ASCC3: variants seen among roughly 807,000 people sequenced by gnomAD.
ASCC3 encodes ASC-1 complex subunit P200.
Under a neutral mutation model 256.3 loss-of-function variants are expected in ASCC3, and 158 were observed. The ratio of observed to expected loss-of-function variants is 0.62; its 90% CI spans 0.54 to 0.70. The LOEUF (loss-of-function observed/expected upper bound fraction) is 0.70. Ranked by LOEUF, ASCC3 falls within the 30% of genes least tolerant of loss-of-function variation. The probability of loss-of-function intolerance (pLI) is 0.00; values close to 1 mark genes in which losing one functional copy is unlikely to be tolerated. For synonymous variants in ASCC3, 948 were observed against 883.4 expected, an observed-to-expected ratio of 1.07 and a Z score of -1.30; for missense variants, 2,259 against 2,626.0, an observed-to-expected ratio of 0.86 and a Z score of 3.05.
chr6:100,635,091 A>G lies in ASCC3; in HGVS notation c.4122+3510T>C, dbSNP rs78388768. ...AATGAGATCAGTATCTTAAAGAGATATCTGCACTCCCATGTTCATTGCAGC... is the reference window on the plus strand; with the variant it reads ...AATGAGATCAGTATCTTAAAGAGATGTCTGCACTCCCATGTTCATTGCAGC... On this transcript the variant is annotated intron_variant, in intron 25 of 41. Coordinates refer to ENST00000369162, the MANE Select transcript of ASCC3 (RefSeq NM_006828.4). Among the ~76,000 whole-genome samples the G allele has an allele frequency of 0.012, 1,848 of 152,190 alleles. 84 individuals are homozygous for G. The East Asian group carries it at 0.15, about 12-fold the overall frequency.
intron 36 of ASCC3, among the ~76,000 whole-genome samples, chr6:100,582,970 G>C: frequency 6.6e-6 from 1 of 152,144 alleles, no homozygotes; most frequent in East Asian, 1.9e-4. Flanking sequence ...TTTTTGATGT[G>C]CTGCTGGATT....
At chr6:100,585,386 T>G (rs1348530961) in intron 36 of ASCC3, among the ~76,000 whole-genome samples, 1 of 152,202 alleles carries the variant, frequency 6.6e-6, no homozygotes, top group Non-Finnish European at 1.5e-5. Flanking sequence ...TCCTGAGGCT[T>G]CTGCATTCTT....
At chr6:100,777,237 G>T (rs941285870) in intron 8 of ASCC3, among the ~76,000 whole-genome samples, 4 of 152,064 alleles carry the variant, frequency 2.6e-5, no homozygotes, top group Admixed American at 6.6e-5. Context: ...ACATGTGTGT[G>T]TATGTGTGAG....
At chr6:100,648,359 C>T (rs1775494129) in intron 20 of ASCC3, among the ~76,000 whole-genome samples, 1 of 151,978 alleles carries the variant, frequency 6.6e-6, no homozygotes, top group South Asian at 2.1e-4. Flanking sequence ...AATCCAGTAA[C>T]ATCTGTATTT....
chr6:100,777,484 AT>A (rs1361289566), intron 8 of ASCC3, among the ~76,000 whole-genome samples: 4 of 152,166 alleles, frequency 2.6e-5, no homozygotes, highest in African/African-American at 4.8e-5. Context: ...ACAAAAAAAA[AT>A]CAACATGTTT....
At chr6:100,583,314 G>C (rs1562138125) in intron 36 of ASCC3, among the ~76,000 whole-genome samples, 1 of 152,110 alleles carries the variant, frequency 6.6e-6, no homozygotes, top group African/African-American at 2.4e-5. Context: ...TTTAGTCTTG[G>C]GAGGGTGTAT....
Position 100,800,333 on chromosome 6 carries a change from A to G in ASCC3, c.1094T>C (p.Met365Thr), listed in dbSNP as rs369697404. Reference sequence around the variant, plus strand: ...CCGCAATTCCTTAGGATCAAAGCACATAAGTCCTTCTGAAACTTCTAAATC... The same window carrying G: ...CCGCAATTCCTTAGGATCAAAGCACGTAAGTCCTTCTGAAACTTCTAAATC... Reference protein sequence around the residue: ...GEDLEVSEGLMCFDPKELRIQ... With the variant: ...GEDLEVSEGLTCFDPKELRIQ... Residue 365 changes from methionine (M) to threonine (T), a missense_variant, in exon 6 of 42, where the codon ATG (methionine) becomes ACG (threonine). Met to Thr is a moderately conservative substitution (Grantham distance 81). This residue lies in a region of ASCC3 where 420 missense variants were observed against 419.3 expected (regional missense o/e 1.00). Coordinates refer to ENST00000369162, the MANE Select transcript of ASCC3 (RefSeq NM_006828.4). 98 of 1,613,000 alleles carry G rather than the reference A, an allele frequency of 6.1e-5. 1 individual carries two copies. The South Asian group carries it at 8.5e-4, about 14-fold the overall frequency.
chr6:100,837,186 C>A (rs1771919435), intron 4 of ASCC3, among the ~76,000 whole-genome samples: 1 of 151,946 alleles, frequency 6.6e-6, no homozygotes, highest in Admixed American at 6.6e-5. Flanking sequence ...CCATTTCACT[C>A]CAATTAGAAT....
intron 30 of ASCC3, among the ~76,000 whole-genome samples, chr6:100,615,919 A>G (rs1359963780): frequency 6.6e-6 from 1 of 152,204 alleles, no homozygotes; most frequent in African/African-American, 2.4e-5. Context: ...GGCTTGATAA[A>G]ACAGAAAGCA....
At chr6:100,715,574 T>C in intron 12 of ASCC3, 41 bp from the exon 13 acceptor site, 1 of 1,544,976 alleles carries the variant, frequency 6.5e-7, no homozygotes, top group Non-Finnish European at 8.9e-7. Context: ...TGTGAAACAA[T>C]TATAAACTTT....
At chr6:100,607,941 C>G (rs1315597311) in intron 30 of ASCC3, among the ~76,000 whole-genome samples, 1 of 144,536 alleles carries the variant, frequency 6.9e-6, no homozygotes, top group African/African-American at 2.5e-5. Flanking sequence ...ATGTGATAGC[C>G]TTTTTTTTTC....
chr6:100,725,653 A>G lies in ASCC3; in HGVS notation c.1788T>C (p.Val596=), dbSNP rs747894545. 11 of 1,612,566 alleles carry G rather than the reference A, an allele frequency of 6.8e-6. No individual in the cohort carries two copies. The African/African-American group carries it at 8.0e-5, about 12-fold the overall frequency. ...CAATCTGGGAAAGAGCTACATCCCC[A>G]ACACTCTTTCTTGTCACTACATCCC... ...EKWDVVTRKS[V]GDVALSQIVR... is the part of the protein sequence containing the mutation. The change falls in exon 11 of 42, where the codon GTT becomes GTC. Residue 596 remains valine (V), a synonymous_variant. Transcript: ENST00000369162.
rs775013374 is a variant in ASCC3, at chr6:100,655,785, C to T, written c.2737G>A (p.Ala913Thr). Residue 913 changes from alanine to threonine, a missense_variant, in exon 17 of 42, where the codon GCA becomes ACA. Physicochemically the swap from Ala to Thr is moderately conservative, Grantham distance 58. Coordinates refer to ENST00000369162, the MANE Select transcript of ASCC3 (RefSeq NM_006828.4). ...TAAGTGTAACTTATCCACTTCACTG[C>T]TTCTTCCACATTAGTAACTGTTCCC... Reference protein sequence around the residue: ...ALGTVTNVEEAVKWISYTYLY... With the variant: ...ALGTVTNVEETVKWISYTYLY... 1 of 1,611,742 alleles carries T rather than the reference C, an allele frequency of 6.2e-7. No homozygotes were observed. Among genetic ancestry groups the T allele is most frequent in the African/African-American group, 1.3e-5 (1 of 74,964 alleles).
intron 16 of ASCC3, among the ~76,000 whole-genome samples, chr6:100,658,227 A>C (rs1220524687): frequency 6.6e-6 from 1 of 151,574 alleles, no homozygotes; most frequent in African/African-American, 2.4e-5. Context: ...TAAAAGTGGC[A>C]TTAGTATATA....
intron 36 of ASCC3, among the ~76,000 whole-genome samples, chr6:100,572,063 G>C (rs1380101133): frequency 1.3e-5 from 2 of 152,164 alleles, no homozygotes; most frequent in Non-Finnish European, 2.9e-5. Flanking sequence ...AAAATGATCA[G>C]GAGATATAAA....
intron 10 of ASCC3, among the ~76,000 whole-genome samples, chr6:100,748,299 AAG>A (rs1036495950): frequency 6.6e-6 from 1 of 152,016 alleles, no homozygotes; most frequent in Non-Finnish European, 1.5e-5. Flanking sequence ...ATGTTTCATG[AAG>A]TATAGTAAGT....
intron 36 of ASCC3, among the ~76,000 whole-genome samples, chr6:100,552,195 A>G (rs1769335341): frequency 1.3e-5 from 2 of 151,838 alleles, no homozygotes; most frequent in Admixed American, 6.6e-5. Context: ...GATACTCTAA[A>G]GGATGTTAAC....
intron 25 of ASCC3, among the ~76,000 whole-genome samples, chr6:100,634,682 T>A (rs1239109163): frequency 6.6e-6 from 1 of 151,042 alleles, no homozygotes; most frequent in Non-Finnish European, 1.5e-5. Context: ...CAAATTAAAA[T>A]CACAATAAGA....
intron 2 of ASCC3, among the ~76,000 whole-genome samples, chr6:100,864,482 C>T (rs561508920): frequency 1.1e-4 from 16 of 152,262 alleles, no homozygotes; most frequent in Non-Finnish European, 2.2e-4. Flanking sequence ...TCATTTCATA[C>T]AGCAAAGTAA....
Sources: gnomAD v4.1 joint callset for allele counts (sites outside exome capture counted in the v4.1 genomes callset) on GRCh38, gnomAD v4.1.1 for gene constraint, gnomAD v4.1.1 regional missense constraint, MANE v1.5 for transcripts, NCBI Gene and HGNC (gene_info 2026-07-23, HGNC 2026-07-21) for gene names.